The following ZBTB7C variants were observed in gnomAD, a reference collection of about 807,000 sequenced individuals.
The protein encoded by ZBTB7C is zinc finger and BTB domain-containing protein 7C.
Under a neutral mutation model 25.7 loss-of-function variants are expected in ZBTB7C, and 8 were observed. That is an observed-to-expected ratio of 0.31 (90% CI 0.18 to 0.56). The LOEUF (loss-of-function observed/expected upper bound fraction) is 0.56, where lower values mean the gene tolerates loss of function less well. ZBTB7C is among the 20% of genes least tolerant of loss of function. ZBTB7C has a pLI of 0.91. For missense variants in ZBTB7C, 824 were observed against 855.2 expected, an observed-to-expected ratio of 0.96 and a Z score of 0.46; for synonymous variants, 394 against 369.0, an observed-to-expected ratio of 1.07 and a Z score of -0.78.
intron 1 of ZBTB7C, among the ~76,000 whole-genome samples, chr18:48,365,031 C>A (rs2047191384): frequency 6.6e-6 from 1 of 152,140 alleles, no homozygotes; most frequent in African/African-American, 2.4e-5. Context: ...TACTGCTGGT[C>A]CAGGAACCAC....
rs529917882 is a variant in ZBTB7C, at chr18:48,345,174, G to A, written c.-303-6776C>T. On this transcript the variant is annotated intron_variant, in intron 1 of 4. Transcript: ENST00000590800. The stretch of plus-strand genomic sequence containing the variant: ...GCAACAGGAAGACCTTGGTAACCCC[G>A]AGCTTACAGTTATTAAGGGTAAAAA... Among the ~76,000 whole-genome samples the A allele has an allele frequency of 7.9e-5, 12 of 152,272 alleles. No individual in the cohort carries two copies. The East Asian group carries it at 2.1e-3, about 27-fold the overall frequency.
intron 2 of ZBTB7C, among the ~76,000 whole-genome samples, chr18:48,218,388 T>C (rs1214052042): frequency 1.3e-5 from 2 of 152,180 alleles, no homozygotes; most frequent in African/African-American, 2.4e-5. Context: ...TATTCCCTCC[T>C]AGAATGAAAA....
intron 3 of ZBTB7C, chr18:48,041,409 A>G (rs899637611): frequency 8.2e-5 from 81 of 985,304 alleles, no homozygotes; most frequent in Non-Finnish European, 8.2e-5. Context: ...GCTTGGTGTT[A>G]CTGATTTCCA....
At chr18:48,379,056 T>C (rs111248953) in intron 1 of ZBTB7C, among the ~76,000 whole-genome samples, 14 of 152,236 alleles carry the variant, frequency 9.2e-5, no homozygotes, top group African/African-American at 3.4e-4. Context: ...CATAATCCTA[T>C]GGTAAGTTAA....
rs57544613 is a variant in ZBTB7C at position 48,134,322 on chromosome 18, C to T, written c.-17+51612G>A. Among the ~76,000 whole-genome samples the T allele has an allele frequency of 9.2e-3, 1,404 of 152,252 alleles. 23 individuals are homozygous for T. Among genetic ancestry groups the T allele is most frequent in the African/African-American group, 0.032 (1,323 of 41,522 alleles). On this transcript the variant is annotated intron_variant, in intron 3 of 4. Coordinates refer to ENST00000590800, the MANE Select transcript of ZBTB7C (RefSeq NM_001318841.2). ...ATGGAAGGAGAGTTAACAGGCCAAA[C>T]GCCCCAGATTATTTATGGCTGCTCT... is the stretch of plus-strand genomic sequence containing the variant.
chr18:48,370,153 C>G (rs1031383010), intron 1 of ZBTB7C, among the ~76,000 whole-genome samples: 3 of 152,036 alleles, frequency 2.0e-5, no homozygotes, highest in Non-Finnish European at 4.4e-5. Flanking sequence ...AATCCATGGG[C>G]CAAAGAGGAA....
intron 2 of ZBTB7C, among the ~76,000 whole-genome samples, chr18:48,273,225 T>C (rs1234935856): frequency 6.6e-6 from 1 of 152,152 alleles, no homozygotes; most frequent in African/African-American, 2.4e-5. Flanking sequence ...AAAGCTCATA[T>C]GGAAGTATAA....
At chr18:48,170,550 CA>C (rs2041438198) in intron 3 of ZBTB7C, among the ~76,000 whole-genome samples, 1 of 152,240 alleles carries the variant, frequency 6.6e-6, no homozygotes, top group Non-Finnish European at 1.5e-5. Flanking sequence ...TGAGCATTTT[CA>C]GACATGTTCA....
chr18:48,218,838 G>C (rs1290809147), intron 2 of ZBTB7C, among the ~76,000 whole-genome samples: 1 of 152,140 alleles, frequency 6.6e-6, no homozygotes, highest in Non-Finnish European at 1.5e-5. Flanking sequence ...GGGCTGCCTA[G>C]GCAGTAAGAG....
At chr18:48,290,401 G>A (rs1366281508) in intron 2 of ZBTB7C, among the ~76,000 whole-genome samples, 2 of 152,260 alleles carry the variant, frequency 1.3e-5, no homozygotes, top group East Asian at 1.9e-4. Flanking sequence ...TCTGTGCGGG[G>A]AGAGGGTGGG....
intron 2 of ZBTB7C, among the ~76,000 whole-genome samples, chr18:48,217,742 G>T (rs551333806): frequency 6.6e-6 from 1 of 152,280 alleles, no homozygotes; most frequent in African/African-American, 2.4e-5. Flanking sequence ...ACTAGGCCGT[G>T]TCTCATATCT....
intron 3 of ZBTB7C, among the ~76,000 whole-genome samples, chr18:48,183,270 A>C (rs2041973048): frequency 6.6e-6 from 1 of 152,170 alleles, no homozygotes; most frequent in South Asian, 2.1e-4. Flanking sequence ...ATTCACCAAA[A>C]TTTTGGAATC....
intron 3 of ZBTB7C, among the ~76,000 whole-genome samples, chr18:48,083,112 A>G (rs2038052744): frequency 1.3e-5 from 2 of 152,190 alleles, no homozygotes; most frequent in African/African-American, 4.8e-5. Flanking sequence ...CCTGAAATAA[A>G]AGTATTGAAT....
chr18:48,399,790 A>T (rs2048117483), intron 1 of ZBTB7C, among the ~76,000 whole-genome samples: 1 of 152,118 alleles, frequency 6.6e-6, no homozygotes, highest in Non-Finnish European at 1.5e-5. Context: ...GGGAGATTAA[A>T]ACCCCAAATC....
chr18:48,286,233 CGTGTGTGT>C (rs59121430), intron 2 of ZBTB7C, among the ~76,000 whole-genome samples: 16,524 of 145,530 alleles, frequency 0.11, 1,023 homozygotes, highest in South Asian at 0.24. Context: ...AAGAGGTGTG[CGTGTGTGT>C]GTGTGTGTGT....
rs531583489 is a variant in ZBTB7C, at chr18:48,121,335, G to T, written c.-17+64599C>A. 3.3e-5 allele frequency among the ~76,000 whole-genome samples: 5 copies of T among 152,152 alleles called. No individual in the cohort carries two copies. The South Asian group carries it at 1.0e-3, about 32-fold the overall frequency. ...TGTCATCAGAGCCCAGGGATGGGATGCTGTCCCAGCTGCTCTTGTGTGTCT... is the reference window on the plus strand; with the variant it reads ...TGTCATCAGAGCCCAGGGATGGGATTCTGTCCCAGCTGCTCTTGTGTGTCT... On this transcript the variant is annotated intron_variant, in intron 3 of 4. Coordinates refer to ENST00000590800, the MANE Select transcript of ZBTB7C (RefSeq NM_001318841.2).
intron 2 of ZBTB7C, among the ~76,000 whole-genome samples, chr18:48,298,409 T>C (rs2045457929): frequency 6.6e-6 from 1 of 152,090 alleles, no homozygotes; most frequent in African/African-American, 2.4e-5. Flanking sequence ...TGGGCACTCA[T>C]GGAGTGGGCT....
At chr18:48,175,667 G>GC (rs2041650158) in intron 3 of ZBTB7C, among the ~76,000 whole-genome samples, 3 of 152,112 alleles carry the variant, frequency 2.0e-5, no homozygotes, top group East Asian at 1.9e-4. Flanking sequence ...AGGAACCAGA[G>GC]CCCCCCAGAG....
At chr18:48,166,685 G>A (rs915928599) in intron 3 of ZBTB7C, among the ~76,000 whole-genome samples, 2 of 152,188 alleles carry the variant, frequency 1.3e-5, no homozygotes, top group Non-Finnish European at 2.9e-5. Context: ...AGGGAGACGG[G>A]CCAAGGAGTG....
Sources: allele counts gnomAD v4.1 joint callset (sites outside exome capture counted in the v4.1 genomes callset), GRCh38; gene constraint gnomAD v4.1.1; transcripts MANE v1.5; gene names NCBI Gene and HGNC (gene_info 2026-07-23, HGNC 2026-07-21).